The following GPATCH1 variants were observed in gnomAD, a reference collection of about 807,000 sequenced individuals.
The protein encoded by GPATCH1 is G patch domain-containing protein 1.
GPATCH1 carries 73 observed loss-of-function variants against 114.9 expected under a neutral mutation model. The ratio of observed to expected loss-of-function variants is 0.64; its 90% CI spans 0.53 to 0.77. The LOEUF (loss-of-function observed/expected upper bound fraction) is 0.77, where lower values mean the gene tolerates loss of function less well. Ranked by LOEUF, GPATCH1 falls within the 30% of genes least tolerant of loss-of-function variation. GPATCH1 has a pLI of 0.00. For missense variants in GPATCH1, 1,058 were observed against 1,144.3 expected (o/e 0.92, Z 1.09); for synonymous variants, 391 against 428.4 (o/e 0.91, Z 1.08).
chr19:33,089,918 C>T (rs1419321748), intron 2 of GPATCH1, among the ~76,000 whole-genome samples: 2 of 151,564 alleles, frequency 1.3e-5, no homozygotes, highest in South Asian at 2.1e-4. Context: ...CCATGCCCGG[C>T]CTTACCATTT....
chr19:33,090,869 C>T lies in GPATCH1; in HGVS notation c.294+4C>T, dbSNP rs200371040. On this transcript the variant is annotated splice_donor_region_variant and intron_variant, in intron 3 of 19. Transcript: ENST00000170564. Reference sequence around the variant, plus strand: ...TGAAGATTTTATGGATGAAGAGGTGCGTGTGCAAAACTTTAATTGCCAATT... The same window carrying T: ...TGAAGATTTTATGGATGAAGAGGTGTGTGTGCAAAACTTTAATTGCCAATT... 5.2e-4 allele frequency: 840 copies of T among 1,600,056 alleles called. 1 individual carries two copies. Among genetic ancestry groups the T allele is most frequent in the South Asian group, 1.6e-3 (148 of 90,664 alleles).
intron 9 of GPATCH1, among the ~76,000 whole-genome samples, chr19:33,103,199 T>G (rs779485450): frequency 1.3e-5 from 2 of 152,200 alleles, no homozygotes; most frequent in Non-Finnish European, 2.9e-5. Context: ...CAGCAAACAT[T>G]TGTTCAGTAC....
At chr19:33,112,687 C>T in intron 13 of GPATCH1, 74 bp downstream of exon 13, 1 of 1,152,530 alleles carries the variant, frequency 8.7e-7, no homozygotes, top group South Asian at 1.5e-5. Flanking sequence ...CTTACATACT[C>T]ATATAAATTC....
intron 15 of GPATCH1, 27 bp downstream of exon 15, chr19:33,114,446 G>C (rs370957261): frequency 9.7e-6 from 15 of 1,551,758 alleles, no homozygotes; most frequent in Admixed American, 6.1e-5. Context: ...GATTCTCTTT[G>C]CCACGCTGAG....
rs533838575 is a variant in GPATCH1, at chr19:33,090,961, G to A, written c.294+96G>A. On this transcript the variant is annotated intron_variant, in intron 3 of 19. Coordinates refer to ENST00000170564, the MANE Select transcript of GPATCH1 (RefSeq NM_018025.3). ...TCTCTCCCCAGAAGGTCCAATGTAC[G>A]ATTTCCTCTTTGTTTGTAAGGCTTT... 109 of 728,472 alleles carry A rather than the reference G, an allele frequency of 1.5e-4. 1 individual carries two copies. The African/African-American group carries it at 1.8e-3, about 12-fold the overall frequency. The allele number at this position is 728,472 out of a possible 1,614,324, so 45.1% of individuals were successfully genotyped here. A position where few individuals can be genotyped will look rare whatever the true frequency, so the allele number is the denominator to read the frequency against.
Position 33,109,960 on chromosome 19 carries a change from C to G in GPATCH1, c.1529C>G (p.Pro510Arg). 6.2e-7 allele frequency: 1 copy of G among 1,613,978 alleles called. No homozygotes were observed. Among genetic ancestry groups the G allele is most frequent in the Non-Finnish European group, 8.5e-7 (1 of 1,179,964 alleles). ...ASNFKPFAKDPEKQKRYDEFL... is the reference protein window; with the variant it reads ...ASNFKPFAKDREKQKRYDEFL... ...AACTTCAAGCCTTTCGCCAAAGATC[C>G]GGAAAAGCAAAAGCGATACGACGAG... The change falls in exon 11 of 20, where the codon CCG becomes CGG. Residue 510 changes from proline (P) to arginine (R), a missense_variant. By Grantham distance (103) the Pro-to-Arg change is moderately radical (BLOSUM62 -2). Around this residue, in one of 3 missense-constraint regions of GPATCH1, gnomAD observed 893 missense variants for 977.4 expected, o/e 0.91. Coordinates refer to ENST00000170564, the MANE Select transcript of GPATCH1 (RefSeq NM_018025.3).
At chr19:33,118,131 C>G in intron 16 of GPATCH1, 90 bp downstream of exon 16, 2 of 786,470 alleles carry the variant, frequency 2.5e-6, no homozygotes, top group South Asian at 3.4e-5. Flanking sequence ...ATCTTAAACC[C>G]GAATGATTAG....
intron 2 of GPATCH1, among the ~76,000 whole-genome samples, chr19:33,088,601 T>G (rs1319387251): frequency 6.6e-6 from 1 of 151,590 alleles, no homozygotes. Flanking sequence ...TCTGCCCACC[T>G]TGGCCTCCAA....
chr19:33,111,876 C>A lies in GPATCH1; in HGVS notation c.1738C>A (p.Gln580Lys), dbSNP rs775673852. ...THAKEEDDSDQVEVPRDQEND... is the reference protein window; with the variant it reads ...THAKEEDDSDKVEVPRDQEND... ...CGCCAAGGAGGAGGATGACTCAGAT[C>A]AGGTTGAAGTCCCTCGAGACCAAGA... Residue 580 changes from glutamine (Q) to lysine (K), a missense_variant, in exon 12 of 20, where the codon CAG (glutamine) becomes AAG (lysine). Coordinates refer to ENST00000170564, the MANE Select transcript of GPATCH1 (RefSeq NM_018025.3). 1.9e-6 allele frequency: 3 copies of A among 1,613,948 alleles called. No homozygotes were observed. The African/African-American group carries it at 4.0e-5, about 22-fold the overall frequency.
intron 11 of GPATCH1, 21 bp downstream of exon 11, chr19:33,110,037 T>G (rs1972834297): frequency 6.4e-7 from 1 of 1,574,436 alleles, no homozygotes; most frequent in African/African-American, 1.4e-5. Flanking sequence ...GGCCTGGGTG[T>G]CCCAAATCTC....
chr19:33,094,396 G>A, intron 5 of GPATCH1, 127 bp downstream of exon 5: 1 of 604,080 alleles, frequency 1.7e-6, no homozygotes. Flanking sequence ...CTGCAGCCTT[G>A]ACCTCCCGGG....
Position 33,111,740 on chromosome 19 carries a change from T to C in GPATCH1, c.1602T>C (p.Cys534=), listed in dbSNP as rs1025740201. Residue 534 remains cysteine (C), a synonymous_variant, in exon 12 of 20, where the codon TGT becomes TGC. Transcript: ENST00000170564. ...KQGQKDALER[C]LDPSMTEWER... is the part of the protein sequence containing the mutation. ...CCCCCGCAGATGCTCTGGAACGCTG[T>C]CTGGACCCCAGCATGACAGAGTGGG... The C allele has an allele frequency of 9.3e-6, 15 of 1,614,090 alleles. No homozygotes were observed. The highest frequency in any genetic ancestry group is 1.2e-5 in the Non-Finnish European group (14 of 1,180,026).
chr19:33,088,436 C>T (rs1599850026), intron 2 of GPATCH1, among the ~76,000 whole-genome samples, 168 bp downstream of exon 2: 1 of 151,744 alleles, frequency 6.6e-6, no homozygotes, highest in East Asian at 1.9e-4. Flanking sequence ...CCTCCGCCTC[C>T]TGGATTAAGC....
At chr19:33,098,767 C>T (rs1972692382) in intron 8 of GPATCH1, among the ~76,000 whole-genome samples, 1 of 152,154 alleles carries the variant, frequency 6.6e-6, no homozygotes, top group African/African-American at 2.4e-5. Context: ...GGTTATCATA[C>T]AGTCATGTGT....
intron 17 of GPATCH1, among the ~76,000 whole-genome samples, chr19:33,123,306 A>G (rs975879544): frequency 6.6e-6 from 1 of 151,606 alleles, no homozygotes; most frequent in Admixed American, 6.6e-5. Flanking sequence ...AGGCTGAGGC[A>G]GGAGAATCGC....
chr19:33,117,315 G>A (rs1972927324), intron 15 of GPATCH1, among the ~76,000 whole-genome samples: 2 of 152,158 alleles, frequency 1.3e-5, no homozygotes, highest in Admixed American at 1.3e-4. Flanking sequence ...ATGTATCTGG[G>A]TGTGAATTCT....
chr19:33,120,968 C>T (rs886149139), intron 17 of GPATCH1, among the ~76,000 whole-genome samples: 25 of 148,280 alleles, frequency 1.7e-4, no homozygotes, highest in African/African-American at 5.0e-4. Flanking sequence ...CCAGCCTGGG[C>T]GACAGAGCAA....
Position 33,093,436 on chromosome 19 carries a change from A to C in GPATCH1, c.372A>C (p.Ile124=), listed in dbSNP as rs761750754. 1 of 1,613,996 alleles carries C rather than the reference A, an allele frequency of 6.2e-7. No homozygotes were observed. The highest frequency in any genetic ancestry group is 1.1e-5 in the South Asian group (1 of 91,082). ...DDFASKTKDR[I]REKARQLAAA... ...TTGCCTCCAAAACCAAAGACAGAAT[A>C]CGAGAAAAGGCTAGGCAGTTGGCCG... Residue 124 remains isoleucine (I), a synonymous_variant, in exon 4 of 20, where the codon ATA becomes ATC. Coordinates refer to ENST00000170564, the MANE Select transcript of GPATCH1 (RefSeq NM_018025.3).
chr19:33,093,323 T>A (rs765355343), intron 3 of GPATCH1, 36 bp from the exon 4 acceptor site: 1 of 1,479,312 alleles, frequency 6.8e-7, no homozygotes, highest in Non-Finnish European at 9.4e-7. Context: ...ATAGTCACTT[T>A]CCAAATAATG....
Sources: gnomAD v4.1 joint callset for allele counts (sites outside exome capture counted in the v4.1 genomes callset) on GRCh38, gnomAD v4.1.1 for gene constraint, gnomAD v4.1.1 regional missense constraint, MANE v1.5 for transcripts, NCBI Gene and HGNC (gene_info 2026-07-23, HGNC 2026-07-21) for gene names.